The following EVL variants were observed in gnomAD, a reference collection of about 807,000 sequenced individuals.
EVL encodes ena/VASP-like protein.
In EVL, 21 loss-of-function variants were observed where a neutral mutation model predicts 59.6. The observed-to-expected ratio is 0.35, with a 90% confidence interval of 0.25 to 0.51. The LOEUF (loss-of-function observed/expected upper bound fraction) is 0.51. Among genes scored for constraint, EVL ranks in the 20% least tolerant of loss-of-function variants. The pLI is 0.97. For missense variants in EVL, 462 were observed against 546.6 expected, an observed-to-expected ratio of 0.85 and a Z score of 1.54; for synonymous variants, 198 against 203.5, an observed-to-expected ratio of 0.97 and a Z score of 0.23.
chr14:100,038,065 G>T (rs2061413321), intron 1 of EVL, among the ~76,000 whole-genome samples: 1 of 152,160 alleles, frequency 6.6e-6, no homozygotes, highest in African/African-American at 2.4e-5. Flanking sequence ...CCATTCTGCT[G>T]CTTTTCAGTG....
intron 2 of EVL, among the ~76,000 whole-genome samples, chr14:100,095,239 C>T (rs1237936009): frequency 1.3e-5 from 2 of 152,116 alleles, no homozygotes; most frequent in African/African-American, 4.8e-5. Flanking sequence ...GGTTTCAAGA[C>T]CTTCTTCAAT....
At chr14:100,032,909 A>T (rs2061335882) in intron 1 of EVL, among the ~76,000 whole-genome samples, 1 of 150,814 alleles carries the variant, frequency 6.6e-6, no homozygotes, top group Non-Finnish European at 1.5e-5. Context: ...GCTTCTCAGC[A>T]CTCTTTGTTT....
At chr14:100,071,297 C>T (rs188126875) in intron 1 of EVL, among the ~76,000 whole-genome samples, 18 of 152,324 alleles carry the variant, frequency 1.2e-4, no homozygotes, top group Non-Finnish European at 1.9e-4. Flanking sequence ...ATGCAGAGAG[C>T]TAATTCATTG....
At chr14:100,117,907 C>T (rs1277999125) in intron 3 of EVL, among the ~76,000 whole-genome samples, 3 of 152,196 alleles carry the variant, frequency 2.0e-5, no homozygotes, top group Non-Finnish European at 4.4e-5. Context: ...GCTCTAGGCT[C>T]GCCCAGTGGC....
intron 1 of EVL, among the ~76,000 whole-genome samples, chr14:100,024,278 C>T (rs1376793568): frequency 2.0e-5 from 3 of 152,106 alleles, no homozygotes; most frequent in African/African-American, 7.2e-5. Flanking sequence ...AATATTGAAA[C>T]AAGTCAAAAT....
rs750445696 is a variant in EVL at position 100,077,019 on chromosome 14, AGAT to A, written c.12-7667_12-7665del. 1.7e-3 allele frequency among the ~76,000 whole-genome samples: 263 copies of A among 152,356 alleles called. 2 individuals carry two copies. Among genetic ancestry groups the A allele is most frequent in the Non-Finnish European group, 2.4e-3 (160 of 68,040 alleles). ...GGGTAGATAAAGGAGGATAAGCTAT[AGAT>A]AGATAAACTGGGGAACACAGAAGTT... On this transcript the variant is annotated intron_variant, in intron 1 of 13. Coordinates refer to ENST00000392920, the MANE Select transcript of EVL (RefSeq NM_016337.3).
chr14:100,034,320 G>T (rs2140222836), intron 1 of EVL, among the ~76,000 whole-genome samples: 1 of 152,052 alleles, frequency 6.6e-6, no homozygotes, highest in East Asian at 1.9e-4. Flanking sequence ...TGAAGGGTCT[G>T]AGAAGTCTTA....
intron 1 of EVL, among the ~76,000 whole-genome samples, chr14:100,071,621 G>A (rs1011458317): frequency 1.1e-4 from 17 of 152,328 alleles, no homozygotes; most frequent in African/African-American, 3.8e-4. Context: ...CAATAATTGA[G>A]TGTAAAGGGG....
At chr14:100,077,929 T>C (rs977722725) in intron 1 of EVL, among the ~76,000 whole-genome samples, 2 of 147,490 alleles carry the variant, frequency 1.4e-5, no homozygotes, top group Non-Finnish European at 3.0e-5. Context: ...CCCGCCACCA[T>C]GCCCGGCTAA....
At chr14:100,132,302 A>G (rs1467677338) in intron 7 of EVL, among the ~76,000 whole-genome samples, 1 of 150,848 alleles carries the variant, frequency 6.6e-6, no homozygotes, top group African/African-American at 2.4e-5. Context: ...TTAGAGTGAC[A>G]CAAGAAAGTG....
chr14:99,997,223 G>A (rs2060919455), intron 1 of EVL, among the ~76,000 whole-genome samples: 1 of 152,110 alleles, frequency 6.6e-6, no homozygotes, highest in Admixed American at 6.5e-5. Flanking sequence ...GGCATTTCTT[G>A]TATGGCTAAT....
Position 100,126,849 on chromosome 14 carries a change from GAC to G in EVL, c.487+83_487+84del, listed in dbSNP as rs1198279274. On this transcript the variant is annotated intron_variant, in intron 5 of 13. Coordinates refer to ENST00000392920, the MANE Select transcript of EVL (RefSeq NM_016337.3). ...CCCCTCCACGTAGATGAGGCCCAGG[GAC>G]ACACGGGGCGCTCTGTGAGCAGCTA... The G allele has an allele frequency of 1.4e-5, 20 of 1,412,708 alleles. No individual in the cohort carries two copies. In the Admixed American group the frequency reaches 3.4e-4, roughly 24 times the overall value. The allele number at this position is 1,412,708 out of a possible 1,614,324, so 87.5% of individuals were successfully genotyped here.
At chr14:100,058,001 A>G (rs763567882) in intron 1 of EVL, among the ~76,000 whole-genome samples, 2 of 152,212 alleles carry the variant, frequency 1.3e-5, no homozygotes, top group Non-Finnish European at 2.9e-5. Flanking sequence ...TTATTATACA[A>G]ACATAATTCA....
intron 1 of EVL, among the ~76,000 whole-genome samples, chr14:100,048,210 A>G (rs1269024230): frequency 1.3e-5 from 2 of 152,240 alleles, no homozygotes; most frequent in African/African-American, 2.4e-5. Context: ...CTTTTATAAG[A>G]ATGAAAAGAC....
chr14:100,094,142 G>A (rs989313227), intron 2 of EVL, among the ~76,000 whole-genome samples: 3 of 139,272 alleles, frequency 2.2e-5, no homozygotes, highest in Non-Finnish European at 4.4e-5. Flanking sequence ...AAATCACGAA[G>A]TCCTCGGCTT....
intron 3 of EVL, among the ~76,000 whole-genome samples, chr14:100,102,026 C>T (rs779703125): frequency 1.3e-5 from 2 of 152,138 alleles, no homozygotes; most frequent in Non-Finnish European, 2.9e-5. Context: ...TTAGTAGAGA[C>T]GAGGTTTCAC....
In EVL at chr14:100,105,071, T is replaced by C. The variant is rs189396112; in HGVS notation, c.358+7413T>C. On this transcript the variant is annotated intron_variant, in intron 3 of 13. Transcript: ENST00000392920. ...CCAGGGCCACCTCCTTGCTGCTCCA[T>C]CTACTGCCTCCTGTTGGGCAGCTGC... 2.4e-3 allele frequency among the ~76,000 whole-genome samples: 364 copies of C among 152,224 alleles called. 6 individuals carry two copies. Among genetic ancestry groups the C allele is most frequent in the South Asian group, 0.023 (110 of 4,822 alleles).
chr14:100,034,834 A>C (rs2140223654), intron 1 of EVL, among the ~76,000 whole-genome samples: 1 of 152,318 alleles, frequency 6.6e-6, no homozygotes, highest in East Asian at 1.9e-4. Context: ...TTATTGTGTT[A>C]TTCTGGGCAA....
Position 100,114,548 on chromosome 14 carries a change from G to A in EVL, c.359-8991G>A, listed in dbSNP as rs568171005. Reference sequence around the variant, plus strand: ...GAAGCCCACTTGATGGCTGGAAGGCGTATCAGTTACCCACTGCACCAGCCA... The same window carrying A: ...GAAGCCCACTTGATGGCTGGAAGGCATATCAGTTACCCACTGCACCAGCCA... On this transcript the variant is annotated intron_variant, in intron 3 of 13. Coordinates refer to ENST00000392920, the MANE Select transcript of EVL (RefSeq NM_016337.3). This position sits in a 1 kb window ranked among gnomAD's most constrained non-coding sequence, Gnocchi z 5.0. 11 of 152,466 alleles carry A rather than the reference G, an allele frequency of 7.2e-5. No homozygotes were observed. In the East Asian group the frequency reaches 9.7e-4, roughly 13 times the overall value. 9.4% of individuals were successfully genotyped at this position (152,466 alleles called of 1,614,324 possible). A position where few individuals can be genotyped will look rare whatever the true frequency, so the allele number is the denominator to read the frequency against.
Sources: gnomAD v4.1 joint callset for allele counts (sites outside exome capture counted in the v4.1 genomes callset) on GRCh38, gnomAD v4.1.1 for gene constraint, Gnocchi (gnomAD v3.1) non-coding constraint, MANE v1.5 for transcripts, NCBI Gene and HGNC (gene_info 2026-07-23, HGNC 2026-07-21) for gene names.